GRID2: variants seen among roughly 807,000 people sequenced by gnomAD.
The protein encoded by GRID2 is glutamate ionotropic receptor delta type subunit 2, also known as glutamate receptor ionotropic, delta-2.
A neutral mutation model predicts 114.8 loss-of-function variants in GRID2; 33 were observed. That is an observed-to-expected ratio of 0.29 (90% CI 0.22 to 0.38). GRID2 has a LOEUF of 0.38. Among genes scored for constraint, GRID2 ranks in the 10% least tolerant of loss-of-function variants. The probability of loss-of-function intolerance (pLI) is 1.00; values close to 1 mark genes in which losing one functional copy is unlikely to be tolerated. For missense variants in GRID2, 1,184 were observed against 1,257.7 expected (o/e 0.94, Z 0.89); for synonymous variants, 505 against 449.9 (o/e 1.12, Z -1.55).
intron 8 of GRID2, among the ~76,000 whole-genome samples, chr4:93,393,111 C>T (rs1765007737): frequency 2.6e-5 from 4 of 151,888 alleles, no homozygotes; most frequent in Admixed American, 2.6e-4. Flanking sequence ...AGAGAATGTA[C>T]TTTATTTCTA....
chr4:92,931,933 C>T (rs1314141167), intron 2 of GRID2, among the ~76,000 whole-genome samples: 1 of 150,966 alleles, frequency 6.6e-6, no homozygotes, highest in South Asian at 2.1e-4. Context: ...ATATGTAAAC[C>T]ATATGCTTTC....
At chr4:93,008,267 A>G (rs1364968969) in intron 2 of GRID2, among the ~76,000 whole-genome samples, 1 of 152,094 alleles carries the variant, frequency 6.6e-6, no homozygotes, top group Non-Finnish European at 1.5e-5. Flanking sequence ...TAAAATATTG[A>G]AAATTTTACC....
intron 2 of GRID2, among the ~76,000 whole-genome samples, chr4:92,793,087 G>A (rs1452524592): frequency 6.6e-6 from 1 of 151,662 alleles, no homozygotes; most frequent in Non-Finnish European, 1.5e-5. Flanking sequence ...TTGTTTCTGT[G>A]TTCATTTATG....
Position 92,464,278 on chromosome 4 carries a change from A to G in GRID2, c.89-125853A>G, listed in dbSNP as rs187539986. Among the ~76,000 whole-genome samples, 366 of 152,062 alleles carry G rather than the reference A, an allele frequency of 2.4e-3. 3 individuals are homozygous for G. The highest frequency in any genetic ancestry group is 8.2e-3 in the African/African-American group (341 of 41,510). ...TGCCCTTTCTCTTAGTAAAAACTCA[A>G]CCCCACAGTATTCTAACAGGATTTT... On this transcript the variant is annotated intron_variant, in intron 1 of 15. Transcript: ENST00000282020.
At chr4:93,332,444 T>C (rs1338092019) in intron 8 of GRID2, among the ~76,000 whole-genome samples, 3 of 144,990 alleles carry the variant, frequency 2.1e-5, no homozygotes, top group Non-Finnish European at 4.4e-5. Flanking sequence ...AAATTGCTCT[T>C]CTTTTTTCCA....
chr4:93,040,621 T>C (rs556976214), intron 2 of GRID2, among the ~76,000 whole-genome samples: 2 of 152,270 alleles, frequency 1.3e-5, no homozygotes, highest in East Asian at 3.9e-4. Context: ...TTTAAGTCTT[T>C]GTGTATTTTC....
intron 1 of GRID2, among the ~76,000 whole-genome samples, chr4:92,443,637 C>T (rs558517553): frequency 1.2e-4 from 18 of 152,040 alleles, no homozygotes; most frequent in African/African-American, 2.9e-4. Context: ...CGGGACTTGC[C>T]GCTAAGAGTG....
intron 4 of GRID2, among the ~76,000 whole-genome samples, chr4:93,112,856 T>A (rs1205955228): frequency 6.6e-6 from 1 of 152,158 alleles, no homozygotes; most frequent in Non-Finnish European, 1.5e-5. Flanking sequence ...TCTCTTCGTG[T>A]TTGTTTGTGT....
intron 1 of GRID2, among the ~76,000 whole-genome samples, chr4:93,783,245 G>A (rs981587690): frequency 6.6e-6 from 1 of 152,332 alleles, no homozygotes; most frequent in Non-Finnish European, 1.5e-5. Context: ...AACCCTGTAA[G>A]TTTGCTATTG....
chr4:93,036,834 A>T (rs934762447), intron 2 of GRID2, among the ~76,000 whole-genome samples: 5 of 152,024 alleles, frequency 3.3e-5, no homozygotes, highest in South Asian at 2.1e-4. Context: ...AAAATAGCGA[A>T]TTTTTTTTAT....
At chr4:92,769,763 G>A (rs1560581955) in intron 2 of GRID2, among the ~76,000 whole-genome samples, 1 of 152,130 alleles carries the variant, frequency 6.6e-6, no homozygotes, top group Non-Finnish European at 1.5e-5. Flanking sequence ...TGGAGTGACT[G>A]GGATACAGGG....
chr4:92,469,762 T>A (rs1222029383), intron 1 of GRID2, among the ~76,000 whole-genome samples: 1 of 151,250 alleles, frequency 6.6e-6, no homozygotes, highest in Non-Finnish European at 1.5e-5. Context: ...AGTTTCATAA[T>A]TTTTTTTTCT....
intron 2 of GRID2, among the ~76,000 whole-genome samples, chr4:92,978,058 A>G (rs1753976662): frequency 6.6e-6 from 1 of 152,134 alleles, no homozygotes; most frequent in African/African-American, 2.4e-5. Flanking sequence ...AGTCTATATA[A>G]GTAAGAGAAG....
At position 92,412,890 on chromosome 4, in the gene GRID2, A is replaced by T. The variant is rs1041352598; in HGVS notation, c.88+108146A>T. ...CATCCTATGTGACCTCCACATCACA[A>T]ATCAGAGGTCATTGCTTCCAGAAAT... On this transcript the variant is annotated intron_variant, in intron 1 of 15. Coordinates refer to ENST00000282020, the MANE Select transcript of GRID2 (RefSeq NM_001510.4). Among the ~76,000 whole-genome samples the T allele has an allele frequency of 2.4e-4, 36 of 152,176 alleles. 1 individual carries two copies. The highest frequency in any genetic ancestry group is 8.2e-4 in the African/African-American group (34 of 41,448).
intron 12 of GRID2, among the ~76,000 whole-genome samples, chr4:93,506,248 C>T (rs975629175): frequency 6.6e-6 from 1 of 152,072 alleles, no homozygotes; most frequent in Non-Finnish European, 1.5e-5. Context: ...AGAATACTTT[C>T]GTCGGGACAG....
chr4:93,394,081 T>C (rs181926602), intron 8 of GRID2, among the ~76,000 whole-genome samples: 1 of 152,068 alleles, frequency 6.6e-6, no homozygotes, highest in Admixed American at 6.6e-5. Flanking sequence ...AGGAAGTAAT[T>C]AGAAAAAGCA....
chr4:92,666,647 G>GTTTTTT (rs137989289), intron 2 of GRID2, among the ~76,000 whole-genome samples: 1 of 72,770 alleles, frequency 1.4e-5, no homozygotes, highest in African/African-American at 5.7e-5. Context: ...AAACTTAAGG[G>GTTTTTT]TTGTTTTTTT....
chr4:92,467,094 C>A (rs1420087901), intron 1 of GRID2, among the ~76,000 whole-genome samples: 1 of 151,640 alleles, frequency 6.6e-6, no homozygotes. Flanking sequence ...TTTAGAAAAA[C>A]ACAAATCCTA....
intron 8 of GRID2, among the ~76,000 whole-genome samples, chr4:93,309,459 G>A (rs1316984889): frequency 1.3e-5 from 2 of 150,546 alleles, no homozygotes; most frequent in South Asian, 2.1e-4. Context: ...GCTTGAACCC[G>A]AGAGGTAGAG....
Sources: gnomAD v4.1 joint callset for allele counts (sites outside exome capture counted in the v4.1 genomes callset) on GRCh38, gnomAD v4.1.1 for gene constraint, MANE v1.5 for transcripts, NCBI Gene and HGNC (gene_info 2026-07-23, HGNC 2026-07-21) for gene names.